DOCK4: variants seen among roughly 807,000 people sequenced by gnomAD.
DOCK4 encodes the protein dedicator of cytokinesis 4.
Under a neutral mutation model 268.1 loss-of-function variants are expected in DOCK4, and 97 were observed. That is an observed-to-expected ratio of 0.36 (90% CI 0.31 to 0.43). DOCK4 has a LOEUF of 0.43. Ranked by LOEUF, DOCK4 falls within the 20% of genes least tolerant of loss-of-function variation. DOCK4 has a pLI of 1.00. For missense variants in DOCK4, 2,145 were observed against 2,455.7 expected (o/e 0.87, Z 2.67); for synonymous variants, 954 against 887.2 (o/e 1.08, Z -1.34).
chr7:112,074,070 A>G (rs1807846614), intron 1 of DOCK4, among the ~76,000 whole-genome samples: 3 of 152,220 alleles, frequency 2.0e-5, no homozygotes, highest in Non-Finnish European at 4.4e-5. Flanking sequence ...ATCTAAAATG[A>G]GTTTTAGCAT....
chr7:111,936,843 AG>A (rs774440454), intron 11 of DOCK4, among the ~76,000 whole-genome samples: 2 of 152,198 alleles, frequency 1.3e-5, no homozygotes, highest in Admixed American at 6.5e-5. Context: ...AGGATTTTGC[AG>A]GATGAACATG....
chr7:111,822,549 C>A (rs1802074646), intron 26 of DOCK4, 93 bp from the exon 27 acceptor site: 1 of 1,106,966 alleles, frequency 9.0e-7, no homozygotes, highest in Non-Finnish European at 1.3e-6. Context: ...GTACTGTTAC[C>A]ATTTCCAAAG....
At chr7:112,173,334 A>G (rs1190996644) in intron 1 of DOCK4, among the ~76,000 whole-genome samples, 2 of 152,184 alleles carry the variant, frequency 1.3e-5, no homozygotes, top group South Asian at 2.1e-4. Flanking sequence ...TTTCAACTCA[A>G]GGGAAGGAGG....
At position 112,152,650 on chromosome 7, in the gene DOCK4, CTTGT is replaced by C. The variant is rs535735319; in HGVS notation, c.37+53448_37+53451del. Among the ~76,000 whole-genome samples the C allele has an allele frequency of 2.2e-3, 332 of 152,228 alleles. 3 individuals are homozygous for C. The highest frequency in any genetic ancestry group is 7.8e-3 in the African/African-American group (325 of 41,554). The stretch of plus-strand genomic sequence containing the variant: ...CTAAAGTCTTGATTTCTTGATAGTT[CTTGT>C]TTGTTTGTTTTTGTAGCGACGGGGG... On this transcript the variant is annotated intron_variant, in intron 1 of 52. Coordinates refer to ENST00000428084, the MANE Select transcript of DOCK4 (RefSeq NM_001363540.2).
At position 111,728,363 on chromosome 7, in the gene DOCK4, C is replaced by A. The variant is rs1248046335; in HGVS notation, c.5839G>T (p.Ala1947Ser). 1 of 1,525,716 alleles carries A rather than the reference C, an allele frequency of 6.6e-7. No homozygotes were observed. Among genetic ancestry groups the A allele is most frequent in the Non-Finnish European group, 8.8e-7 (1 of 1,138,626 alleles). The allele number at this position is 1,525,716 out of a possible 1,614,324, so 94.5% of individuals were successfully genotyped here. A position where few individuals can be genotyped will look rare whatever the true frequency, so the allele number is the denominator to read the frequency against. ...PPALPPKPLAARSSHLENGAR... is the reference protein window; with the variant it reads ...PPALPPKPLASRSSHLENGAR... ...CCATTCTCCAGGTGGCTGGATCGCG[C>A]TGCCAGAGGCTTGGGGGGCAGCGCG... The change falls in exon 53 of 53, where the codon GCG (alanine) becomes TCG (serine). Residue 1947 changes from alanine (A) to serine (S), a missense_variant. Ala to Ser is a moderately conservative substitution (Grantham distance 99). This residue lies in a region of DOCK4 where 547 missense variants were observed against 469.0 expected (regional missense o/e 1.17). Transcript: ENST00000428084.
At chr7:111,925,808 C>T (rs967694923) in intron 12 of DOCK4, among the ~76,000 whole-genome samples, 1 of 152,152 alleles carries the variant, frequency 6.6e-6, no homozygotes, top group Admixed American at 6.5e-5. Context: ...AAAAAGAGGG[C>T]CGGGCACAGT....
At chr7:112,204,154 C>G (rs1821180333) in intron 1 of DOCK4, among the ~76,000 whole-genome samples, 1 of 152,150 alleles carries the variant, frequency 6.6e-6, no homozygotes, top group Admixed American at 6.5e-5. Context: ...TCCGGTTTGC[C>G]ATTCCAGGAA....
chr7:112,128,263 C>A lies in DOCK4; in HGVS notation c.37+77839G>T, dbSNP rs572962044. Among the ~76,000 whole-genome samples, 31 of 151,904 alleles carry A rather than the reference C, an allele frequency of 2.0e-4. No individual in the cohort carries two copies. The East Asian group carries it at 5.8e-3, about 29-fold the overall frequency. On this transcript the variant is annotated intron_variant, in intron 1 of 52. Transcript: ENST00000428084. ...AACTGATCCCTCTCAGCCCCTCTGCCCGGCCAGCCGCCCCGTCCGGGAGGG... is the reference window on the plus strand; with the variant it reads ...AACTGATCCCTCTCAGCCCCTCTGCACGGCCAGCCGCCCCGTCCGGGAGGG...
chr7:112,049,482 A>C (rs1037178939), intron 1 of DOCK4, among the ~76,000 whole-genome samples: 1 of 152,176 alleles, frequency 6.6e-6, no homozygotes, highest in Non-Finnish European at 1.5e-5. Context: ...GGTACAAAAA[A>C]CAAATAAGAC....
At chr7:111,937,423 CT>C (rs1162783029) in intron 11 of DOCK4, among the ~76,000 whole-genome samples, 1 of 152,062 alleles carries the variant, frequency 6.6e-6, no homozygotes, top group East Asian at 1.9e-4. Context: ...TTATTTGATG[CT>C]TATGGAAAAG....
chr7:112,004,635 T>C (rs1307211444), intron 1 of DOCK4, among the ~76,000 whole-genome samples: 4 of 152,322 alleles, frequency 2.6e-5, no homozygotes, highest in African/African-American at 9.6e-5. Context: ...AGGGACTGCA[T>C]CCATTTGCTT....
intron 1 of DOCK4, among the ~76,000 whole-genome samples, chr7:112,109,401 C>T (rs967722344): frequency 6.6e-6 from 1 of 151,976 alleles, no homozygotes; most frequent in Admixed American, 6.6e-5. Context: ...CAATAAGTCA[C>T]AGAGAAGAAA....
intron 38 of DOCK4, among the ~76,000 whole-genome samples, chr7:111,765,674 C>T (rs1797719474): frequency 6.6e-6 from 1 of 152,188 alleles, no homozygotes; most frequent in Non-Finnish European, 1.5e-5. Flanking sequence ...GGGTTTGCCT[C>T]CACCTGGCAC....
At chr7:112,174,947 T>G (rs923227877) in intron 1 of DOCK4, among the ~76,000 whole-genome samples, 1 of 150,668 alleles carries the variant, frequency 6.6e-6, no homozygotes, top group African/African-American at 2.4e-5. Context: ...AACTTTTTTT[T>G]TTTTTTTTTT....
rs759238780 is a variant in DOCK4, at chr7:111,844,864, C to T, written c.2635G>A (p.Val879Met). 1.2e-6 allele frequency: 2 copies of T among 1,613,082 alleles called. No individual in the cohort carries two copies. Among genetic ancestry groups the T allele is most frequent in the African/African-American group, 1.3e-5 (1 of 74,860 alleles). Residue 879 changes from valine to methionine, a missense_variant, in exon 25 of 53, where the codon GTG becomes ATG. Coordinates refer to ENST00000428084, the MANE Select transcript of DOCK4 (RefSeq NM_001363540.2). Reference sequence around the variant, plus strand: ...AGCAGAATATCCAGCAAGCTGGCCACTATCACATCTATTTCCTCCAGCACA... The same window carrying T: ...AGCAGAATATCCAGCAAGCTGGCCATTATCACATCTATTTCCTCCAGCACA... Reference protein sequence around the residue: ...KSVLEEIDVIVASLLDILLRT... With the variant: ...KSVLEEIDVIMASLLDILLRT...
At chr7:112,179,224 C>CA (rs1450715730) in intron 1 of DOCK4, among the ~76,000 whole-genome samples, 41 of 152,028 alleles carry the variant, frequency 2.7e-4, no homozygotes, top group Admixed American at 7.2e-4. Context: ...CCTGTCTCTA[C>CA]AAAAAATAAA....
intron 8 of DOCK4, among the ~76,000 whole-genome samples, chr7:111,948,357 G>C (rs1266764401): frequency 6.6e-6 from 1 of 152,086 alleles, no homozygotes; most frequent in African/African-American, 2.4e-5. Context: ...ATGCTATAAG[G>C]TAACTTTCTC....
Position 112,151,961 on chromosome 7 carries a change from T to TA in DOCK4, c.37+54140dup, listed in dbSNP as rs57613263. On this transcript the variant is annotated intron_variant, in intron 1 of 52. Transcript: ENST00000428084. ...TTTAACTAGAGCACCAAACTGTTAT[T>TA]AAAAAAAAAAAAAAAAACTAATTCT... Among the ~76,000 whole-genome samples the TA allele has an allele frequency of 7.0e-3, 917 of 131,146 alleles. 1 individual carries two copies. The highest frequency in any genetic ancestry group is 0.011 in the Middle Eastern group (3 of 268). The allele number at this position is 131,146 out of a possible 152,430, so 86.0% of individuals were successfully genotyped here.
At chr7:112,165,993 A>G (rs1252245567) in intron 1 of DOCK4, among the ~76,000 whole-genome samples, 14 of 152,132 alleles carry the variant, frequency 9.2e-5, no homozygotes, top group Admixed American at 9.2e-4. Flanking sequence ...ACTGAGGAGT[A>G]ACTAACTGAA....
Sources: gnomAD v4.1 joint callset for allele counts (sites outside exome capture counted in the v4.1 genomes callset) on GRCh38, gnomAD v4.1.1 for gene constraint, gnomAD v4.1.1 regional missense constraint, MANE v1.5 for transcripts, NCBI Gene and HGNC (gene_info 2026-07-23, HGNC 2026-07-21) for gene names.